DENND11: variants seen among roughly 807,000 people sequenced by gnomAD.
DENND11 encodes the protein DENN domain containing 11.
A neutral mutation model predicts 49.2 loss-of-function variants in DENND11; 34 were observed. The ratio of observed to expected loss-of-function variants is 0.69; its 90% CI spans 0.53 to 0.92. The LOEUF is 0.92. Ranked by LOEUF, DENND11 falls within the 40% of genes least tolerant of loss-of-function variation. The pLI, the probability that DENND11 is intolerant of heterozygous loss-of-function variation, is 0.00. For missense variants in DENND11, 475 were observed against 581.6 expected (o/e 0.82, Z 1.88); for synonymous variants, 238 against 230.3 (o/e 1.03, Z -0.30).
intron 8 of DENND11, chr7:141,663,486 T>C (rs1797837597): frequency 6.6e-6 from 1 of 152,336 alleles, no homozygotes; most frequent in African/African-American, 2.4e-5. Context: ...GCACATGTCA[T>C]ACCTGGATGA....
rs1797732546 is a variant in DENND11, at chr7:141,658,426, G to A, written c.*4230C>T. 6.6e-6 allele frequency: 1 copy of A among 152,202 alleles called. No individual in the cohort carries two copies. Among genetic ancestry groups the A allele is most frequent in the South Asian group, 2.1e-4 (1 of 4,834 alleles). The allele number at this position is 152,202 out of a possible 1,614,324, so 9.4% of individuals were successfully genotyped here. ...GTTTTCCTGAAATGAGAGGGGATGG[G>A]ACTGGGGTCAGCAGGATTCTCACCT... On this transcript the variant is annotated 3_prime_UTR_variant, in exon 9 of 9. Transcript: ENST00000536163.
At chr7:141,670,258 C>G (rs1797960160) in intron 4 of DENND11, among the ~76,000 whole-genome samples, 2 of 152,108 alleles carry the variant, frequency 1.3e-5, no homozygotes. Context: ...TCAATACTTT[C>G]CATGTTTATG....
rs142288407 is a variant in DENND11, at chr7:141,667,885, T to C, written c.682-1460A>G. ...GATAAAGGCGACCCTGAACTGAACA[T>C]GTCCTGTTTGCCACCCACGCCTACT... On this transcript the variant is annotated intron_variant, in intron 4 of 8. Transcript: ENST00000536163. Among the ~76,000 whole-genome samples, 407 of 152,262 alleles carry C rather than the reference T, an allele frequency of 2.7e-3. 4 individuals carry two copies. The highest frequency in any genetic ancestry group is 9.1e-3 in the African/African-American group (379 of 41,552).
At chr7:141,670,502 T>C (rs1255543013) in intron 4 of DENND11, among the ~76,000 whole-genome samples, 1 of 152,232 alleles carries the variant, frequency 6.6e-6, no homozygotes, top group Non-Finnish European at 1.5e-5. Context: ...ATTTCCATTG[T>C]ATGAGGTATT....
At chr7:141,662,898 A>G (rs1311984692) in intron 8 of DENND11, 47 bp from the exon 9 acceptor site, 5 of 1,409,556 alleles carry the variant, frequency 3.5e-6, no homozygotes, top group Non-Finnish European at 2.8e-6. Flanking sequence ...GGGGGAATAA[A>G]AAGCTCACCA....
intron 1 of DENND11, among the ~76,000 whole-genome samples, chr7:141,688,881 A>G (rs1448493401): frequency 6.6e-6 from 1 of 152,208 alleles, no homozygotes; most frequent in Non-Finnish European, 1.5e-5. Flanking sequence ...CCTAACGCTT[A>G]ACAGTGGCAG....
At chr7:141,678,128 A>C (rs1373312432) in intron 3 of DENND11, among the ~76,000 whole-genome samples, 1 of 152,020 alleles carries the variant, frequency 6.6e-6, no homozygotes, top group East Asian at 1.9e-4. Context: ...CGCCCAGCTA[A>C]GTTTTTGTAT....
In DENND11 at chr7:141,686,589, C is replaced by T. The variant is rs952230845; in HGVS notation, c.338G>A (p.Ser113Asn). Residue 113 changes from serine to asparagine, a missense_variant, in exon 2 of 9, where the codon AGT (serine) becomes AAT (asparagine). By Grantham distance (46) the Ser-to-Asn change is conservative (BLOSUM62 1). Transcript: ENST00000536163. ...ATCAGATTGGATTTTATGGGACCCACTGGCCATAGACTTGAACTCAACACC... is the reference window on the plus strand; with the variant it reads ...ATCAGATTGGATTTTATGGGACCCATTGGCCATAGACTTGAACTCAACACC... ...LEGVEFKSMA[S>N]GSHKIQSDFI... 1.2e-6 allele frequency: 2 copies of T among 1,612,804 alleles called. No homozygotes were observed. The highest frequency in any genetic ancestry group is 8.5e-7 in the Non-Finnish European group (1 of 1,179,134).
At position 141,665,010 on chromosome 7, in the gene DENND11, C is replaced by T. The variant is rs772229075; in HGVS notation, c.997G>A (p.Val333Ile). The stretch of plus-strand genomic sequence containing the variant: ...TTCACATTCTGGTTATCCACGTAGA[C>T]GTCATACAGCTCCCGCTTCTCCTCG... ...IFEEKRELYDVYVDNQNVKTH... is the reference protein window; with the variant it reads ...IFEEKRELYDIYVDNQNVKTH... Residue 333 changes from valine (V) to isoleucine (I), a missense_variant, in exon 7 of 9, where the codon GTC (valine) becomes ATC (isoleucine). Physicochemically the swap from Val to Ile is conservative, Grantham distance 29 (BLOSUM62 3). Coordinates refer to ENST00000536163, the MANE Select transcript of DENND11 (RefSeq NM_001080392.2). 2.2e-5 allele frequency: 36 copies of T among 1,613,780 alleles called. No homozygotes were observed. The highest frequency in any genetic ancestry group is 4.5e-5 in the East Asian group (2 of 44,876).
chr7:141,668,894 G>C (rs566778923), intron 4 of DENND11, among the ~76,000 whole-genome samples: 1 of 152,198 alleles, frequency 6.6e-6, no homozygotes, highest in Admixed American at 6.5e-5. Context: ...CTCTTTTCTT[G>C]ATGTCTCCAG....
chr7:141,669,809 ATTTT>A (rs72053527), intron 4 of DENND11, among the ~76,000 whole-genome samples: 215 of 116,262 alleles, frequency 1.8e-3, no homozygotes, highest in Admixed American at 3.0e-3. Flanking sequence ...CATACATGCT[ATTTT>A]TTTTTTTTTT....
chr7:141,665,753 G>A (rs987704484), intron 5 of DENND11, among the ~76,000 whole-genome samples: 3 of 151,936 alleles, frequency 2.0e-5, no homozygotes, highest in African/African-American at 7.3e-5. Flanking sequence ...GGATATGAGT[G>A]CAGAAATAAT....
chr7:141,686,143 GT>G (rs1798239481), intron 2 of DENND11, among the ~76,000 whole-genome samples: 1 of 152,118 alleles, frequency 6.6e-6, no homozygotes, highest in African/African-American at 2.4e-5. Context: ...TCTTTCCATT[GT>G]TCCTTCTCGC....
Position 141,701,905 on chromosome 7 carries a change from G to A in DENND11, c.249C>T (p.Val83=). 1 of 1,212,018 alleles carries A rather than the reference G, an allele frequency of 8.3e-7. No homozygotes were observed. The highest frequency in any genetic ancestry group is 3.8e-5 in the South Asian group (1 of 26,632). The allele number at this position is 1,212,018 out of a possible 1,614,324, so 75.1% of individuals were successfully genotyped here. Residue 83 remains valine (V), a synonymous_variant, in exon 1 of 9, where the codon GTC becomes GTT. Coordinates refer to ENST00000536163, the MANE Select transcript of DENND11 (RefSeq NM_001080392.2). ...CCTCACCCGAGCGGGGGTCGAAGGT[G>A]ACCACGAACACGGCCACCACCTGGT... The part of the protein sequence containing the change: ...EEDQVVAVFV[V]TFDPRSGNMV...
At chr7:141,671,558 A>T (rs1246844497) in intron 4 of DENND11, among the ~76,000 whole-genome samples, 3 of 152,200 alleles carry the variant, frequency 2.0e-5, no homozygotes, top group Admixed American at 6.5e-5. Flanking sequence ...CCATAACGGT[A>T]CCCTCTTCCC....
At chr7:141,672,429 C>G (rs1797997160) in intron 4 of DENND11, among the ~76,000 whole-genome samples, 1 of 152,248 alleles carries the variant, frequency 6.6e-6, no homozygotes, top group South Asian at 2.1e-4. Context: ...TTAGATAAAG[C>G]AAGCTCACAT....
Position 141,657,954 on chromosome 7 carries a change from G to A in DENND11, c.*4702C>T, listed in dbSNP as rs1027450770. 2.6e-5 allele frequency: 4 copies of A among 152,548 alleles called. No homozygotes were observed. The highest frequency in any genetic ancestry group is 4.4e-5 in the Non-Finnish European group (3 of 68,024). 9.4% of individuals were successfully genotyped at this position (152,548 alleles called of 1,614,324 possible). On this transcript the variant is annotated 3_prime_UTR_variant, in exon 9 of 9. Transcript: ENST00000536163. ...GACATTTACCCTTTTTTGTACTAGA[G>A]CTTTACTGAAGGTTGGTATTTTTAT... is the stretch of plus-strand genomic sequence containing the variant.
intron 1 of DENND11, among the ~76,000 whole-genome samples, chr7:141,695,704 G>A (rs1364047007): frequency 6.6e-6 from 1 of 152,144 alleles, no homozygotes; most frequent in African/African-American, 2.4e-5. Context: ...AACAAAAGAG[G>A]TCATCTCATG....
chr7:141,677,279 C>T (rs1051589105), intron 3 of DENND11, among the ~76,000 whole-genome samples: 40 of 150,864 alleles, frequency 2.7e-4, no homozygotes, highest in Admixed American at 4.0e-4. Flanking sequence ...CCCAGCTACT[C>T]GGGAGGCTGA....
Sources: allele counts gnomAD v4.1 joint callset (sites outside exome capture counted in the v4.1 genomes callset), GRCh38; gene constraint gnomAD v4.1.1; transcripts MANE v1.5; gene names NCBI Gene and HGNC (gene_info 2026-07-23, HGNC 2026-07-21).